IFT46: variants seen among roughly 807,000 people sequenced by gnomAD.
The protein encoded by IFT46 is intraflagellar transport 46.
In IFT46, 19 loss-of-function variants were observed where a neutral mutation model predicts 39.6. That is an observed-to-expected ratio of 0.48 (90% CI 0.33 to 0.70). IFT46 has a LOEUF of 0.70. Ranked by LOEUF, IFT46 falls within the 30% of genes least tolerant of loss-of-function variation. The probability of loss-of-function intolerance (pLI) is 0.01; values close to 1 mark genes in which losing one functional copy is unlikely to be tolerated. For missense variants in IFT46, 334 were observed against 364.8 expected, an observed-to-expected ratio of 0.92 and a Z score of 0.69; for synonymous variants, 117 against 134.8, an observed-to-expected ratio of 0.87 and a Z score of 0.91.
At chr11:118,555,633 A>T (rs1329853076) in intron 4 of IFT46, 1 of 255,266 alleles carries the variant, frequency 3.9e-6, no homozygotes, top group Non-Finnish European at 7.6e-6. Flanking sequence ...AGAACAAGAG[A>T]TTTTAGGGCT....
In IFT46 at chr11:118,561,357, C is replaced by T. The variant is rs1325239994; in HGVS notation, c.-35-1493G>A. 2.8e-5 allele frequency: 25 copies of T among 889,352 alleles called. No individual in the cohort carries two copies. In the Admixed American group the frequency reaches 4.3e-4, roughly 15 times the overall value. The allele number at this position is 889,352 out of a possible 1,614,324, so 55.1% of individuals were successfully genotyped here. A position where few individuals can be genotyped will look rare whatever the true frequency, so the allele number is the denominator to read the frequency against. On this transcript the variant is annotated intron_variant, in intron 2 of 11. Coordinates refer to ENST00000264021, the MANE Select transcript of IFT46 (RefSeq NM_001168618.2). ...GAAGATGCTTACAAGAACCAGTTCT[C>T]TCAATGCATAAAGAAGAGCGTAACT... is the stretch of plus-strand genomic sequence containing the variant.
intron 3 of IFT46, chr11:118,557,469 T>C (rs1440204943): frequency 2.1e-6 from 1 of 467,722 alleles, no homozygotes; most frequent in Non-Finnish European, 3.8e-6. Flanking sequence ...ACAAAGACCA[T>C]AGAGAGGAAA....
chr11:118,545,640 A>G, intron 10 of IFT46, 146 bp from the exon 11 acceptor site: 1 of 1,084,272 alleles, frequency 9.2e-7, no homozygotes, highest in South Asian at 1.4e-5. Context: ...CACATAAGCC[A>G]AACACCACCT....
Position 118,565,857 on chromosome 11 carries a change from C to G in IFT46, c.-200G>C, listed in dbSNP as rs1555071398. ...CCCAGCCTAGGGCTGGGGTCTCACTCCAGTCTCAAAGCCAGGCCACTTTAG... is the reference window on the plus strand; with the variant it reads ...CCCAGCCTAGGGCTGGGGTCTCACTGCAGTCTCAAAGCCAGGCCACTTTAG... On this transcript the variant is annotated 5_prime_UTR_variant, in exon 1 of 12. Coordinates refer to ENST00000264021, the MANE Select transcript of IFT46 (RefSeq NM_001168618.2). The G allele has an allele frequency of 6.6e-6, 1 of 152,630 alleles. No homozygotes were observed. Among genetic ancestry groups the G allele is most frequent in the Non-Finnish European group, 1.5e-5 (1 of 68,056 alleles). 9.5% of individuals were successfully genotyped at this position (152,630 alleles called of 1,614,324 possible).
intron 1 of IFT46, chr11:118,572,405 C>T: frequency 2.4e-6 from 1 of 412,504 alleles, no homozygotes; most frequent in Non-Finnish European, 3.6e-6. Context: ...GGCTTGGGGC[C>T]GCCATCTTGG....
Position 118,544,756 on chromosome 11 carries a change from CAT to C in IFT46, c.*158_*159del. On this transcript the variant is annotated 3_prime_UTR_variant, in exon 12 of 12. Coordinates refer to ENST00000264021, the MANE Select transcript of IFT46 (RefSeq NM_001168618.2). The stretch of plus-strand genomic sequence containing the variant: ...GAGGCAGGCAGGTTCATTAAACAAA[CAT>C]GTTCTGTGCCCTCTGGCAGAGAGGG... The C allele has an allele frequency of 1.6e-6, 1 of 612,206 alleles. No individual in the cohort carries two copies. The highest frequency in any genetic ancestry group is 2.0e-5 in the South Asian group (1 of 50,466). 37.9% of individuals were successfully genotyped at this position (612,206 alleles called of 1,614,324 possible).
At chr11:118,575,512 T>A (rs782200173), upstream of IFT46, among the ~76,000 whole-genome samples, 16 of 152,106 alleles carry the variant, frequency 1.1e-4, no homozygotes, top group African/African-American at 3.9e-4. Context: ...AAATTACTTT[T>A]CAAGTTTTAG....
In IFT46 at chr11:118,555,046, T is replaced by A. The variant is rs1555069202; in HGVS notation, c.298A>T (p.Lys100Ter). ...GGGATAAAATCAGGAATGAAAGGCT[T>A]CAGTTTGTGGTCCAGGTCAATCAAC... Reference protein sequence around the residue: ...PQLIDLDHKLKPFIPDFIPAV... With the variant: ...PQLIDLDHKL Residue 100 changes from lysine (K) to a stop codon, truncating the protein, a stop_gained, in exon 6 of 12, where the codon AAG becomes TAG. Coordinates refer to ENST00000264021, the MANE Select transcript of IFT46 (RefSeq NM_001168618.2). LOFTEE classifies it high-confidence loss of function. 6.2e-7 allele frequency: 1 copy of A among 1,614,016 alleles called. No homozygotes were observed. Among genetic ancestry groups the A allele is most frequent in the Non-Finnish European group, 8.5e-7 (1 of 1,179,918 alleles).
In IFT46 at chr11:118,565,864, C is replaced by A. The variant is rs1938211501; in HGVS notation, c.-207G>T. 6.6e-6 allele frequency: 1 copy of A among 152,646 alleles called. No individual in the cohort carries two copies. The highest frequency in any genetic ancestry group is 6.5e-5 in the Admixed American group (1 of 15,276). The allele number at this position is 152,646 out of a possible 1,614,324, so 9.5% of individuals were successfully genotyped here. On this transcript the variant is annotated 5_prime_UTR_variant, in exon 1 of 12. Transcript: ENST00000264021. ...TAGGGCTGGGGTCTCACTCCAGTCTCAAAGCCAGGCCACTTTAGGATTCCA... is the reference window on the plus strand; with the variant it reads ...TAGGGCTGGGGTCTCACTCCAGTCTAAAAGCCAGGCCACTTTAGGATTCCA...
chr11:118,548,547 T>G lies in IFT46; in HGVS notation c.673-2694A>C, dbSNP rs565305471. On this transcript the variant is annotated intron_variant, in intron 9 of 11. Transcript: ENST00000264021. ...GCCTGGCTAATTTTTGTATTTTTAG[T>G]AGAGATGGGGTTTCACCACGTTGGC... is the stretch of plus-strand genomic sequence containing the variant. Among the ~76,000 whole-genome samples the G allele has an allele frequency of 8.3e-4, 125 of 151,252 alleles. 5 individuals are homozygous for G. The highest frequency in any genetic ancestry group is 3.0e-3 in the African/African-American group (121 of 40,876).
upstream of IFT46, among the ~76,000 whole-genome samples, chr11:118,569,251 C>G (rs558673820): frequency 7.3e-5 from 11 of 151,492 alleles, no homozygotes; most frequent in African/African-American, 2.7e-4. Flanking sequence ...TGCACTCCAG[C>G]CCGGGCAACA....
intron 9 of IFT46, among the ~76,000 whole-genome samples, chr11:118,550,350 T>A (rs1271014308): frequency 2.6e-5 from 4 of 152,244 alleles, no homozygotes; most frequent in Non-Finnish European, 5.9e-5. Context: ...TTGAATTTTT[T>A]AAAAAGAGAT....
At position 118,545,849 on chromosome 11, in the gene IFT46, C is replaced by T; in HGVS notation, c.677G>A (p.Ser226Asn). Reference sequence around the variant, plus strand: ...GCAATCAATCTCTGCCGTGGGCAGGCTTACCTGGAAGGGGCATGGAAGGAC... The same window carrying T: ...GCAATCAATCTCTGCCGTGGGCAGGTTTACCTGGAAGGGGCATGGAAGGAC... The part of the protein sequence containing the change: ...PEFEELLGKV[S>N]LPTAEIDCSL... Residue 226 changes from serine to asparagine, a missense_variant, in exon 10 of 12, where the codon AGC becomes AAC. Ser to Asn is a conservative substitution (Grantham distance 46, BLOSUM62 1). Coordinates refer to ENST00000264021, the MANE Select transcript of IFT46 (RefSeq NM_001168618.2). 1 of 1,614,126 alleles carries T rather than the reference C, an allele frequency of 6.2e-7. No homozygotes were observed. Among genetic ancestry groups the T allele is most frequent in the Non-Finnish European group, 8.5e-7 (1 of 1,179,998 alleles).
Position 118,552,203 on chromosome 11 carries a change from G to A in IFT46, c.605+11C>T. 6.2e-7 allele frequency: 1 copy of A among 1,613,970 alleles called. No homozygotes were observed. Among genetic ancestry groups the A allele is most frequent in the Non-Finnish European group, 8.5e-7 (1 of 1,179,934 alleles). ...ATGTGTTACTGTTGCAAAGAATGTG[G>A]TATTTCTTACCTGGTGTAGTGCACA... is the stretch of plus-strand genomic sequence containing the variant. On this transcript the variant is annotated intron_variant, in intron 8 of 11. Coordinates refer to ENST00000264021, the MANE Select transcript of IFT46 (RefSeq NM_001168618.2).
intron 7 of IFT46, among the ~76,000 whole-genome samples, chr11:118,554,052 CT>C (rs782067203): frequency 3.7e-3 from 512 of 138,738 alleles, no homozygotes; most frequent in African/African-American, 7.6e-3. Flanking sequence ...ATAACCATCT[CT>C]TTTTTTTTTT....
At chr11:118,570,611 G>A (rs574534853), upstream of IFT46, among the ~76,000 whole-genome samples, 1 of 152,266 alleles carries the variant, frequency 6.6e-6, no homozygotes, top group East Asian at 1.9e-4. Flanking sequence ...AATGATTTAA[G>A]GAAGAACTAC....
At chr11:118,575,973 TG>T (rs1275629949), upstream of IFT46, among the ~76,000 whole-genome samples, 1 of 140,616 alleles carries the variant, frequency 7.1e-6, no homozygotes, top group South Asian at 2.4e-4. Flanking sequence ...TCACTGTAGT[TG>T]TTTTTTTTTT....
chr11:118,557,878 C>T, intron 3 of IFT46: 1 of 1,603,142 alleles, frequency 6.2e-7, no homozygotes, highest in Non-Finnish European at 8.5e-7. Flanking sequence ...TGTGGCATGC[C>T]CTCCCTTAGG....
intron 7 of IFT46, among the ~76,000 whole-genome samples, chr11:118,553,219 A>C (rs1201731015): frequency 6.6e-6 from 1 of 152,200 alleles, no homozygotes; most frequent in Non-Finnish European, 1.5e-5. Context: ...AGGTGGGTGG[A>C]TCACCTGAGG....
Sources: gnomAD v4.1 joint callset for allele counts (sites outside exome capture counted in the v4.1 genomes callset) on GRCh38, gnomAD v4.1.1 for gene constraint, MANE v1.5 for transcripts, NCBI Gene and HGNC (gene_info 2026-07-23, HGNC 2026-07-21) for gene names.